Variants in PRPSAP1 observed in about 807,000 individuals in gnomAD.
PRPSAP1 encodes the protein phosphoribosyl pyrophosphate synthetase associated protein 1, also known as phosphoribosyl pyrophosphate synthase-associated protein 1.
A neutral mutation model predicts 39.4 loss-of-function variants in PRPSAP1; 31 were observed. The ratio of observed to expected loss-of-function variants is 0.79; its 90% CI spans 0.59 to 1.06. The LOEUF (loss-of-function observed/expected upper bound fraction) is 1.06, where lower values mean the gene tolerates loss of function less well. Among genes scored for constraint, PRPSAP1 ranks in the 50% least tolerant of loss-of-function variants. PRPSAP1 has a pLI of 0.00. For synonymous variants in PRPSAP1, 212 were observed against 192.6 expected, an observed-to-expected ratio of 1.10 and a Z score of -0.83; for missense variants, 430 against 511.6, an observed-to-expected ratio of 0.84 and a Z score of 1.54.
In PRPSAP1 at chr17:76,328,861, C is replaced by T; in HGVS notation, c.637G>A (p.Ala213Thr). 1.9e-6 allele frequency: 3 copies of T among 1,608,008 alleles called. No individual in the cohort carries two copies. The highest frequency in any genetic ancestry group is 1.7e-4 in the Middle Eastern group (1 of 6,052). The change falls in exon 7 of 10, where the codon GCC (alanine) becomes ACC (threonine). Residue 213 changes from alanine to threonine, a missense_variant and splice_region_variant. Ala to Thr is a moderately conservative substitution (Grantham distance 58, BLOSUM62 0). Coordinates refer to ENST00000446526, the MANE Select transcript of PRPSAP1 (RefSeq NM_002766.3). Reference sequence around the variant, plus strand: ...CGCAGTCTCTCCGCATAGGACTGGGCCCTAGAAGGACAAAGGGAAATGGTG... The same window carrying T: ...CGCAGTCTCTCCGCATAGGACTGGGTCCTAGAAGGACAAAGGGAAATGGTG... ...VAKSPDAAKR[A>T]QSYAERLRLG...
At position 76,344,677 on chromosome 17, in the gene PRPSAP1, A is replaced by G. The variant is rs371642499; in HGVS notation, c.284T>C (p.Ile95Thr). 9 of 1,565,054 alleles carry G rather than the reference A, an allele frequency of 5.8e-6. No homozygotes were observed. The African/African-American group carries it at 1.2e-4, about 22-fold the overall frequency. Residue 95 changes from isoleucine to threonine, a missense_variant, in exon 3 of 10, where the codon ATA becomes ACA. Ile to Thr is a moderately conservative substitution (Grantham distance 89). Transcript: ENST00000446526. ...RGQDIFIIQT[I>T]PRDVNTAVME... Reference sequence around the variant, plus strand: ...AAGTAGTCAGTCCTCTTACCTGGGTATTGTCTGTATAATGAAAATATCTTG... The same window carrying G: ...AAGTAGTCAGTCCTCTTACCTGGGTGTTGTCTGTATAATGAAAATATCTTG...
chr17:76,349,134 A>T (rs1245644251), intron 1 of PRPSAP1, among the ~76,000 whole-genome samples: 1 of 151,830 alleles, frequency 6.6e-6, no homozygotes, highest in African/African-American at 2.4e-5. Context: ...AACATGGAGA[A>T]ACCCCGTCTA....
intron 7 of PRPSAP1, among the ~76,000 whole-genome samples, chr17:76,314,993 T>C (rs761274467): frequency 1.4e-4 from 21 of 152,240 alleles, no homozygotes; most frequent in Non-Finnish European, 2.8e-4. Flanking sequence ...CAAAGTCACC[T>C]TATTTGGACA....
intron 7 of PRPSAP1, among the ~76,000 whole-genome samples, chr17:76,316,370 T>TA (rs35827714): frequency 6.6e-6 from 1 of 152,116 alleles, no homozygotes; most frequent in South Asian, 2.1e-4. Flanking sequence ...GGAGGGAGGC[T>TA]AAAAAAGGCT....
intron 3 of PRPSAP1, 122 bp from the exon 4 acceptor site, chr17:76,332,557 C>G (rs572555001): frequency 9.6e-6 from 11 of 1,140,518 alleles, no homozygotes; most frequent in Non-Finnish European, 1.2e-5. Context: ...TACCATCACA[C>G]TAGCTTACAA....
intron 7 of PRPSAP1, among the ~76,000 whole-genome samples, chr17:76,327,769 T>TA (rs199782488): frequency 0.011 from 1,744 of 152,258 alleles, 34 homozygotes; most frequent in African/African-American, 0.039. Context: ...CCATCACACA[T>TA]ACAACTTTTT....
chr17:76,354,003 G>C (rs1441912340), upstream of PRPSAP1: 4 of 1,228,530 alleles, frequency 3.3e-6, no homozygotes, highest in Non-Finnish European at 4.1e-6. Flanking sequence ...GGAGCCTGGC[G>C]ACTCTCTAAA....
chr17:76,311,793 C>A, intron 9 of PRPSAP1, 93 bp from the exon 10 acceptor site: 2 of 1,398,450 alleles, frequency 1.4e-6, no homozygotes, highest in Non-Finnish European at 1.9e-6. Context: ...TGAGTTCCCA[C>A]AGCCTAAGTT....
intron 7 of PRPSAP1, among the ~76,000 whole-genome samples, chr17:76,321,043 A>G (rs1040920639): frequency 6.6e-6 from 1 of 151,928 alleles, no homozygotes; most frequent in Non-Finnish European, 1.5e-5. Context: ...TTGGCCTCCC[A>G]AAGTGTTGGG....
intron 3 of PRPSAP1, among the ~76,000 whole-genome samples, chr17:76,341,041 C>T (rs1388820083): frequency 1.3e-5 from 2 of 151,930 alleles, no homozygotes; most frequent in Non-Finnish European, 2.9e-5. Context: ...CTTAGCTCCT[C>T]CCCTGACTCA....
intron 2 of PRPSAP1, among the ~76,000 whole-genome samples, chr17:76,345,522 C>A (rs2071490831): frequency 6.6e-6 from 1 of 150,452 alleles, no homozygotes; most frequent in African/African-American, 2.4e-5. Flanking sequence ...GTGGGAGGAT[C>A]ACCTGAGCCA....
intron 3 of PRPSAP1, among the ~76,000 whole-genome samples, chr17:76,341,572 T>C (rs1042184082): frequency 6.6e-6 from 1 of 152,196 alleles, no homozygotes; most frequent in Non-Finnish European, 1.5e-5. Context: ...ACTCTTTACA[T>C]GACAAATTCT....
intron 3 of PRPSAP1, among the ~76,000 whole-genome samples, chr17:76,343,205 CAG>C (rs2071459000): frequency 6.6e-6 from 1 of 152,186 alleles, no homozygotes; most frequent in South Asian, 2.1e-4. Flanking sequence ...CTGGATTTTT[CAG>C]AGACACAGAT....
chr17:76,314,009 A>C (rs906385170), intron 7 of PRPSAP1, 118 bp from the exon 8 acceptor site: 10 of 1,047,288 alleles, frequency 9.5e-6, no homozygotes, highest in African/African-American at 1.6e-5. Context: ...AAAAACAAAC[A>C]AACCATGCAA....
At chr17:76,333,150 G>A (rs1353876560) in intron 3 of PRPSAP1, among the ~76,000 whole-genome samples, 6 of 151,998 alleles carry the variant, frequency 3.9e-5, no homozygotes, top group South Asian at 2.1e-4. Flanking sequence ...TCACTCTGTC[G>A]CCCAGGCTGG....
chr17:76,335,324 C>T (rs893497669), intron 3 of PRPSAP1, among the ~76,000 whole-genome samples: 1 of 151,824 alleles, frequency 6.6e-6, no homozygotes, highest in African/African-American at 2.4e-5. Flanking sequence ...CTTCTGTAAG[C>T]GTTATCTGTT....
intron 3 of PRPSAP1, among the ~76,000 whole-genome samples, chr17:76,336,337 C>T (rs2071378198): frequency 6.6e-6 from 1 of 151,360 alleles, no homozygotes; most frequent in African/African-American, 2.4e-5. Flanking sequence ...ACTTGGGAGG[C>T]TGAGGCAGAA....
At position 76,328,860 on chromosome 17, in the gene PRPSAP1, G is replaced by A. The variant is rs1243567924; in HGVS notation, c.638C>T (p.Ala213Val). 3.1e-6 allele frequency: 5 copies of A among 1,608,122 alleles called. No homozygotes were observed. In the African/African-American group the frequency reaches 4.0e-5, roughly 13 times the overall value. Reference protein sequence around the residue: ...VAKSPDAAKRAQSYAERLRLG... With the variant: ...VAKSPDAAKRVQSYAERLRLG... Reference sequence around the variant, plus strand: ...ACGCAGTCTCTCCGCATAGGACTGGGCCCTAGAAGGACAAAGGGAAATGGT... The same window carrying A: ...ACGCAGTCTCTCCGCATAGGACTGGACCCTAGAAGGACAAAGGGAAATGGT... The change falls in exon 7 of 10, where the codon GCC (alanine) becomes GTC (valine). Residue 213 changes from alanine (A) to valine (V), a missense_variant and splice_region_variant. This residue lies in a region of PRPSAP1 where 278 missense variants were observed against 376.3 expected (regional missense o/e 0.74). Coordinates refer to ENST00000446526, the MANE Select transcript of PRPSAP1 (RefSeq NM_002766.3).
Position 76,310,908 on chromosome 17 carries a change from T to C in PRPSAP1, c.*634A>G, listed in dbSNP as rs548989624. 4 of 152,230 alleles carry C rather than the reference T, an allele frequency of 2.6e-5. No homozygotes were observed. Among genetic ancestry groups the C allele is most frequent in the Non-Finnish European group, 4.4e-5 (3 of 68,060 alleles). The allele number at this position is 152,230 out of a possible 1,614,324, so 9.4% of individuals were successfully genotyped here. On this transcript the variant is annotated 3_prime_UTR_variant, in exon 10 of 10. Coordinates refer to ENST00000446526, the MANE Select transcript of PRPSAP1 (RefSeq NM_002766.3). The stretch of plus-strand genomic sequence containing the variant: ...CTGCTGTTCTGTATCCATGGTCTTC[T>C]GCTGTCTAATGAAAAGACTAGCAAG...
Sources: allele counts gnomAD v4.1 joint callset (sites outside exome capture counted in the v4.1 genomes callset), GRCh38; gene constraint gnomAD v4.1.1; regional missense constraint gnomAD v4.1.1; transcripts MANE v1.5; gene names NCBI Gene and HGNC (gene_info 2026-07-23, HGNC 2026-07-21).